ATXN2: variants seen among roughly 807,000 people sequenced by gnomAD.
The protein encoded by ATXN2 is ataxin-2.
Under a neutral mutation model 138.6 loss-of-function variants are expected in ATXN2, and 37 were observed. That is an observed-to-expected ratio of 0.27 (90% CI 0.21 to 0.35). The LOEUF (loss-of-function observed/expected upper bound fraction) is 0.35. ATXN2 is among the 10% of genes least tolerant of loss of function. The pLI is 1.00. For synonymous variants in ATXN2, 549 were observed against 543.7 expected (o/e 1.01, Z -0.13); for missense variants, 1,216 against 1,480.3 (o/e 0.82, Z 2.93).
At chr12:111,599,434 C>G (rs555105901), upstream of ATXN2, 1,233 of 1,188,552 alleles carry the variant, frequency 1.0e-3, 11 homozygotes, top group African/African-American at 0.016. Context: ...GCGAGCGCCA[C>G]CCGGGCCACC....
At chr12:111,545,699 A>G (rs915375337) in intron 5 of ATXN2, among the ~76,000 whole-genome samples, 6 of 151,892 alleles carry the variant, frequency 4.0e-5, no homozygotes, top group African/African-American at 1.5e-4. Context: ...GCGGTGACTC[A>G]TGTAATCCCA....
chr12:111,593,039 C>T (rs1431831913), intron 1 of ATXN2, among the ~76,000 whole-genome samples: 4 of 151,930 alleles, frequency 2.6e-5, no homozygotes, highest in Admixed American at 6.6e-5. Context: ...AGTTCTAACA[C>T]GGCTGTAGCT....
At chr12:111,518,757 C>A (rs1389093456) in intron 8 of ATXN2, among the ~76,000 whole-genome samples, 1 of 152,090 alleles carries the variant, frequency 6.6e-6, no homozygotes, top group Non-Finnish European at 1.5e-5. Flanking sequence ...ATTTTATTTT[C>A]TCTGAGATCT....
At chr12:111,558,944 A>G (rs1882526125) in intron 1 of ATXN2, among the ~76,000 whole-genome samples, 1 of 72,184 alleles carries the variant, frequency 1.4e-5, no homozygotes. Flanking sequence ...CTTTCACACA[A>G]TTTCCCTTAA....
At chr12:111,493,979 G>A (rs974806958) in intron 14 of ATXN2, among the ~76,000 whole-genome samples, 4 of 151,892 alleles carry the variant, frequency 2.6e-5, no homozygotes, top group Non-Finnish European at 4.4e-5. Flanking sequence ...TGCCCAGACT[G>A]GAGTGCAGTG....
chr12:111,536,339 G>A lies in ATXN2; in HGVS notation c.572-11023C>T, dbSNP rs568291598. Among the ~76,000 whole-genome samples the A allele has an allele frequency of 2.8e-3, 424 of 152,136 alleles. 4 individuals carry two copies. Among genetic ancestry groups the A allele is most frequent in the African/African-American group, 9.6e-3 (400 of 41,480 alleles). ...ACGTTTTGAACTTTTTACCATGTGT[G>A]CATATATAATTTTTAAAGTAAAGTT... On this transcript the variant is annotated intron_variant, in intron 5 of 24. Transcript: ENST00000673436.
intron 5 of ATXN2, among the ~76,000 whole-genome samples, chr12:111,547,886 T>C (rs921563937): frequency 1.4e-5 from 2 of 138,148 alleles, no homozygotes; most frequent in Non-Finnish European, 3.1e-5. Flanking sequence ...TGTGGAGAAA[T>C]CCTTTAACAA....
chr12:111,530,839 G>A (rs575880396), intron 5 of ATXN2, among the ~76,000 whole-genome samples: 1 of 151,968 alleles, frequency 6.6e-6, no homozygotes, highest in South Asian at 2.1e-4. Context: ...AAAAAAATGT[G>A]TATAGGCGGG....
Position 111,516,156 on chromosome 12 carries a change from T to C in ATXN2, c.1373A>G (p.Glu458Gly). Residue 458 changes from glutamate to glycine, a missense_variant and splice_region_variant, in exon 10 of 25, where the codon GAA becomes GGA. Transcript: ENST00000673436. This position sits in a 1 kb window ranked among gnomAD's most constrained non-coding sequence, Gnocchi z 5.0. Reference protein sequence around the residue: ...VSTMPKRMSSEGPPRMSPKAQ... With the variant: ...VSTMPKRMSSGGPPRMSPKAQ... The stretch of plus-strand genomic sequence containing the variant: ...ATGAACAAATTGTGGTATTGTACCT[T>C]CTGAAGACATGCGTTTAGGCATAGT... 8 of 1,597,628 alleles carry C rather than the reference T, an allele frequency of 5.0e-6. No individual in the cohort carries two copies. Among genetic ancestry groups the C allele is most frequent in the South Asian group, 1.1e-5 (1 of 88,040 alleles).
At chr12:111,469,840 C>A (rs1347961695) in intron 20 of ATXN2, 2 of 422,876 alleles carry the variant, frequency 4.7e-6, no homozygotes, top group Non-Finnish European at 8.3e-6. Flanking sequence ...AGAAAGGTAC[C>A]TTTCTCCACA....
intron 18 of ATXN2, chr12:111,471,080 A>C (rs1444126341): frequency 4.6e-6 from 1 of 218,794 alleles, no homozygotes; most frequent in Non-Finnish European, 9.4e-6. Context: ...ATCGCTTCTC[A>C]TATGGTATTT....
At chr12:111,502,373 A>C (rs1017434219) in intron 14 of ATXN2, among the ~76,000 whole-genome samples, 1 of 152,098 alleles carries the variant, frequency 6.6e-6, no homozygotes, top group South Asian at 2.1e-4. Context: ...GGAATATAGC[A>C]CTCTGCTGTA....
intron 14 of ATXN2, among the ~76,000 whole-genome samples, chr12:111,496,008 G>C (rs182641373): frequency 6.6e-6 from 1 of 151,158 alleles, no homozygotes; most frequent in Non-Finnish European, 1.5e-5. Flanking sequence ...AAAAATATCA[G>C]CCATATGTGA....
rs960695855 is a variant in ATXN2 at position 111,598,385 on chromosome 12, GT to G, written c.251+398del. Reference sequence around the variant, plus strand: ...ACCACAGCCTCCAGACCCCTCCAACGTTCACACCTAAACCGGGAGTGGAGGA... The same window carrying G: ...ACCACAGCCTCCAGACCCCTCCAACGTCACACCTAAACCGGGAGTGGAGGA... On this transcript the variant is annotated intron_variant, in intron 1 of 24. Transcript: ENST00000673436. The surrounding 1 kb of genome is among the most constrained non-coding windows in gnomAD (Gnocchi z 4.5). 2 of 986,090 alleles carry G rather than the reference GT, an allele frequency of 2.0e-6. No individual in the cohort carries two copies. Among genetic ancestry groups the G allele is most frequent in the African/African-American group, 3.5e-5 (2 of 57,240 alleles). 61.1% of individuals were successfully genotyped at this position (986,090 alleles called of 1,614,324 possible).
intron 14 of ATXN2, among the ~76,000 whole-genome samples, chr12:111,498,552 C>T (rs557617597): frequency 6.6e-6 from 1 of 152,034 alleles, no homozygotes; most frequent in South Asian, 2.1e-4. Context: ...CTTTAAAACA[C>T]TGAAATTGAT....
chr12:111,551,870 A>G (rs1882139133), intron 5 of ATXN2, among the ~76,000 whole-genome samples: 1 of 151,828 alleles, frequency 6.6e-6, no homozygotes, highest in Admixed American at 6.6e-5. Flanking sequence ...TAGAAAGTAG[A>G]TATTTCTTTT....
At chr12:111,553,767 G>C (rs1882250088) in intron 3 of ATXN2, among the ~76,000 whole-genome samples, 1 of 151,378 alleles carries the variant, frequency 6.6e-6, no homozygotes, top group South Asian at 2.1e-4. Flanking sequence ...CGTTCGGCTA[G>C]TTTTTTTACT....
At chr12:111,594,558 T>G (rs1884840701) in intron 1 of ATXN2, among the ~76,000 whole-genome samples, 1 of 152,058 alleles carries the variant, frequency 6.6e-6, no homozygotes, top group Non-Finnish European at 1.5e-5. Flanking sequence ...AAGCTGAAAA[T>G]CACTAAAAGA....
intron 1 of ATXN2, among the ~76,000 whole-genome samples, chr12:111,579,611 T>G (rs1422206220): frequency 6.6e-6 from 1 of 151,542 alleles, no homozygotes. Context: ...TGTCCACCAC[T>G]AGATGAACAA....
Sources: gnomAD v4.1 joint callset for allele counts (sites outside exome capture counted in the v4.1 genomes callset) on GRCh38, gnomAD v4.1.1 for gene constraint, Gnocchi (gnomAD v3.1) non-coding constraint, MANE v1.5 for transcripts, NCBI Gene and HGNC (gene_info 2026-07-23, HGNC 2026-07-21) for gene names.